The following EEF2K variants were observed in gnomAD, a reference collection of about 807,000 sequenced individuals.
The protein encoded by EEF2K is eukaryotic elongation factor 2 kinase.
A neutral mutation model predicts 93.8 loss-of-function variants in EEF2K; 70 were observed. The ratio of observed to expected loss-of-function variants is 0.75; its 90% CI spans 0.62 to 0.91. The LOEUF is 0.91. Ranked by LOEUF, EEF2K falls within the 40% of genes least tolerant of loss-of-function variation. The pLI, the probability that EEF2K is intolerant of heterozygous loss-of-function variation, is 0.00. For synonymous variants in EEF2K, 376 were observed against 380.8 expected (o/e 0.99, Z 0.15); for missense variants, 935 against 972.9 (o/e 0.96, Z 0.52).
In EEF2K at chr16:22,244,756, G is replaced by A. The variant is rs750410203; in HGVS notation, c.347+26G>A. On this transcript the variant is annotated intron_variant, in intron 3 of 17. Transcript: ENST00000263026. ...GTCAGCAGCTTGTGTGGGGTCTCGAGGAGTCCTGGGGGCTATACGTCCAGC... is the reference window on the plus strand; with the variant it reads ...GTCAGCAGCTTGTGTGGGGTCTCGAAGAGTCCTGGGGGCTATACGTCCAGC... 9 of 1,611,036 alleles carry A rather than the reference G, an allele frequency of 5.6e-6. No individual in the cohort carries two copies. The African/African-American group carries it at 9.4e-5, about 17-fold the overall frequency.
chr16:22,223,732 A>G (rs1400998799), intron 1 of EEF2K, among the ~76,000 whole-genome samples: 1 of 152,144 alleles, frequency 6.6e-6, no homozygotes, highest in African/African-American at 2.4e-5. Context: ...CTATCCTACA[A>G]TCTTCCTGAA....
At position 22,286,477 on chromosome 16, in the gene EEF2K, T is replaced by C. The variant is rs1377904407; in HGVS notation, c.*2481T>C. 1 of 152,210 alleles carries C rather than the reference T, an allele frequency of 6.6e-6. No individual in the cohort carries two copies. The highest frequency in any genetic ancestry group is 1.9e-4 in the East Asian group (1 of 5,200). The allele number at this position is 152,210 out of a possible 1,614,324, so 9.4% of individuals were successfully genotyped here. ...TCTAGCAGGAATTGGCAAACTTTTT[T>C]GTAAAGGGGTAGAAAGTGAAGATTT... On this transcript the variant is annotated 3_prime_UTR_variant, in exon 18 of 18. Transcript: ENST00000263026.
chr16:22,251,440 G>C, intron 6 of EEF2K, 118 bp downstream of exon 6: 1,535 of 1,115,696 alleles, frequency 1.4e-3, no homozygotes, highest in Non-Finnish European at 1.7e-3. Context: ...TTGAGATGAA[G>C]TCTTGCTCTG....
chr16:22,251,375 T>G, intron 6 of EEF2K, 53 bp downstream of exon 6: 5 of 1,587,860 alleles, frequency 3.1e-6, no homozygotes, highest in Non-Finnish European at 4.3e-6. Flanking sequence ...CTGGGCACAG[T>G]GTCTGGGAAA....
rs559181519 is a variant in EEF2K at position 22,227,292 on chromosome 16, C to T, written c.246+1317C>T. ...AGGCTGGAATACAGTGGTGGGATCT[C>T]GGCTCACTGAAACGTCCGCCTCCTG... is the stretch of plus-strand genomic sequence containing the variant. On this transcript the variant is annotated intron_variant, in intron 2 of 17. Coordinates refer to ENST00000263026, the MANE Select transcript of EEF2K (RefSeq NM_013302.5). Among the ~76,000 whole-genome samples the T allele has an allele frequency of 2.4e-4, 36 of 151,398 alleles. 1 individual carries two copies. The highest frequency in any genetic ancestry group is 7.3e-4 in the African/African-American group (30 of 41,258).
At chr16:22,213,799 T>C (rs1378841388) in intron 1 of EEF2K, among the ~76,000 whole-genome samples, 1 of 152,200 alleles carries the variant, frequency 6.6e-6, no homozygotes, top group Admixed American at 6.5e-5. Flanking sequence ...CACACCTTTC[T>C]GTCTTTGGTC....
At chr16:22,276,631 C>A (rs910245544) in intron 16 of EEF2K, among the ~76,000 whole-genome samples, 3 of 152,104 alleles carry the variant, frequency 2.0e-5, no homozygotes, top group African/African-American at 7.2e-5. Flanking sequence ...GGGATAGCAT[C>A]GGGTTGGGGT....
chr16:22,267,317 G>A (rs142078552), intron 15 of EEF2K, among the ~76,000 whole-genome samples: 302 of 152,280 alleles, frequency 2.0e-3, no homozygotes, highest in African/African-American at 7.1e-3. Context: ...CCTCAGGCCA[G>A]AGTGGTGGCT....
At chr16:22,208,879 G>C (rs911392419) in intron 1 of EEF2K, among the ~76,000 whole-genome samples, 2 of 152,130 alleles carry the variant, frequency 1.3e-5, no homozygotes, top group African/African-American at 4.8e-5. Flanking sequence ...CTTACCATTC[G>C]GTAGGGCCAC....
intron 15 of EEF2K, among the ~76,000 whole-genome samples, chr16:22,267,991 G>T (rs1224064223): frequency 6.6e-6 from 1 of 152,120 alleles, no homozygotes; most frequent in Admixed American, 6.6e-5. Flanking sequence ...CGTTGCGCAT[G>T]GACAGGTGGC....
At position 22,213,884 on chromosome 16, in the gene EEF2K, A is replaced by T. The variant is rs117574265; in HGVS notation, c.-77+7205A>T. 8.5e-5 allele frequency among the ~76,000 whole-genome samples: 13 copies of T among 152,288 alleles called. No homozygotes were observed. The East Asian group carries it at 2.5e-3, about 29-fold the overall frequency. ...CTTGTGATTACACTGGGCTCACAGG[A>T]TAATCCATGACTGTCTCCCATCTTA... On this transcript the variant is annotated intron_variant, in intron 1 of 17. Coordinates refer to ENST00000263026, the MANE Select transcript of EEF2K (RefSeq NM_013302.5).
intron 15 of EEF2K, among the ~76,000 whole-genome samples, chr16:22,272,819 G>A (rs577872204): frequency 3.9e-4 from 59 of 152,136 alleles, no homozygotes; most frequent in African/African-American, 1.4e-3. Context: ...GCATCACCAC[G>A]CCTGGTTAAT....
chr16:22,274,430 C>T (rs112574423), intron 16 of EEF2K, among the ~76,000 whole-genome samples: 2,149 of 130,900 alleles, frequency 0.016, 21 homozygotes, highest in Non-Finnish European at 0.024. Flanking sequence ...GGGTACAGAG[C>T]AAGATTCCCT....
At chr16:22,267,485 C>T (rs2047536100) in intron 15 of EEF2K, among the ~76,000 whole-genome samples, 1 of 151,906 alleles carries the variant, frequency 6.6e-6, no homozygotes. Flanking sequence ...ATCCCACCTA[C>T]TCGGGAGGCT....
intron 2 of EEF2K, among the ~76,000 whole-genome samples, chr16:22,230,510 A>G (rs1267446318): frequency 6.6e-6 from 1 of 151,330 alleles, no homozygotes; most frequent in Non-Finnish European, 1.5e-5. Flanking sequence ...CGACATGCCC[A>G]GCCTTTTCTT....
At chr16:22,214,612 C>T (rs2046942699) in intron 1 of EEF2K, among the ~76,000 whole-genome samples, 1 of 152,100 alleles carries the variant, frequency 6.6e-6, no homozygotes, top group Non-Finnish European at 1.5e-5. Context: ...CTGCAGTGAG[C>T]TATGATTGCA....
intron 1 of EEF2K, among the ~76,000 whole-genome samples, chr16:22,217,228 T>TAGATAGATAGAGAGAGAG (rs1555468299): frequency 7.3e-6 from 1 of 136,072 alleles, no homozygotes; most frequent in Non-Finnish European, 1.6e-5. Flanking sequence ...GATAGATAGA[T>TAGATAGATAGAGAGAGAG]AGAGAGAGAG....
intron 2 of EEF2K, among the ~76,000 whole-genome samples, chr16:22,241,354 A>G (rs1329196147): frequency 1.3e-5 from 2 of 152,082 alleles, no homozygotes; most frequent in African/African-American, 4.8e-5. Context: ...CTTATTAAAA[A>G]ATGCATGTAG....
intron 14 of EEF2K, 26 bp downstream of exon 14, chr16:22,266,550 C>G: frequency 6.2e-7 from 1 of 1,613,006 alleles, no homozygotes; most frequent in Middle Eastern, 1.7e-4. Flanking sequence ...ATTTTGGAGC[C>G]CTGTCTGCAC....
Sources: allele counts gnomAD v4.1 joint callset (sites outside exome capture counted in the v4.1 genomes callset), GRCh38; gene constraint gnomAD v4.1.1; transcripts MANE v1.5; gene names NCBI Gene and HGNC (gene_info 2026-07-23, HGNC 2026-07-21).